The following EXOC2 variants were observed in gnomAD, a reference collection of about 807,000 sequenced individuals.
EXOC2 encodes the protein SEC5-like 1.
Under a neutral mutation model 131.8 loss-of-function variants are expected in EXOC2, and 70 were observed. The observed-to-expected ratio is 0.53, with a 90% confidence interval of 0.44 to 0.65. The LOEUF (loss-of-function observed/expected upper bound fraction) is 0.65. Among genes scored for constraint, EXOC2 ranks in the 30% least tolerant of loss-of-function variants. The pLI is 0.00. For synonymous variants in EXOC2, 411 were observed against 398.4 expected (o/e 1.03, Z -0.38); for missense variants, 923 against 1,108.6 (o/e 0.83, Z 2.38).
intron 7 of EXOC2, among the ~76,000 whole-genome samples, chr6:599,994 A>G (rs1160473197): frequency 6.6e-6 from 1 of 152,222 alleles, no homozygotes; most frequent in Non-Finnish European, 1.5e-5. Flanking sequence ...TTCCACAACG[A>G]AAGGAGAGAA....
chr6:692,821 G>A (rs1765004460), intron 1 of EXOC2, among the ~76,000 whole-genome samples, 198 bp downstream of exon 1: 1 of 152,098 alleles, frequency 6.6e-6, no homozygotes, highest in Admixed American at 6.5e-5. Flanking sequence ...CCAGCAGGCG[G>A]CTGACGGCGG....
Position 670,856 on chromosome 6 carries a change from C to A in EXOC2, c.-44+22163G>T, listed in dbSNP as rs988292991. 2.6e-5 allele frequency among the ~76,000 whole-genome samples: 4 copies of A among 151,982 alleles called. No homozygotes were observed. The South Asian group carries it at 8.3e-4, about 32-fold the overall frequency. The stretch of plus-strand genomic sequence containing the variant: ...TTTTGCCAAGTCTCTGGAATAAATT[C>A]CTCTCTTCCATGAGCCCATTGGGGT... On this transcript the variant is annotated intron_variant, in intron 1 of 27. Transcript: ENST00000230449.
rs919348116 is a variant in EXOC2, at chr6:572,173, C to T, written c.1443+347G>A. ...GTTTCCTCATTTGTTCACAGTCTACCGCACATCACCCAGAATTTGGCCTGA... is the reference window on the plus strand; with the variant it reads ...GTTTCCTCATTTGTTCACAGTCTACTGCACATCACCCAGAATTTGGCCTGA... On this transcript the variant is annotated intron_variant, in intron 13 of 27. Coordinates refer to ENST00000230449, the MANE Select transcript of EXOC2 (RefSeq NM_018303.6). 5.9e-5 allele frequency among the ~76,000 whole-genome samples: 9 copies of T among 152,276 alleles called. 1 individual carries two copies. In the South Asian group the frequency reaches 1.5e-3, roughly 25 times the overall value.
rs1255231203 is a variant in EXOC2 at position 666,623 on chromosome 6, G to A, written c.-44+26396C>T. ...TACCCCTTCACTACCACTCCCTCCTGTTTCCTCTGTTATTAACATCTTGCA... is the reference window on the plus strand; with the variant it reads ...TACCCCTTCACTACCACTCCCTCCTATTTCCTCTGTTATTAACATCTTGCA... On this transcript the variant is annotated intron_variant, in intron 1 of 27. Transcript: ENST00000230449. Among the ~76,000 whole-genome samples the A allele has an allele frequency of 2.1e-5, 2 of 96,320 alleles. 1 individual carries two copies. The highest frequency in any genetic ancestry group is 4.9e-5 in the Non-Finnish European group (2 of 40,816). 63.2% of individuals were successfully genotyped at this position (96,320 alleles called of 152,430 possible). A position where few individuals can be genotyped will look rare whatever the true frequency, so the allele number is the denominator to read the frequency against.
intron 1 of EXOC2, among the ~76,000 whole-genome samples, chr6:659,623 G>A (rs1763320430): frequency 6.6e-6 from 1 of 152,214 alleles, no homozygotes; most frequent in Non-Finnish European, 1.5e-5. Flanking sequence ...CTGTTTGCGG[G>A]AGAAGTTTCC....
chr6:577,441 C>T (rs1264316144), intron 11 of EXOC2, among the ~76,000 whole-genome samples: 1 of 152,140 alleles, frequency 6.6e-6, no homozygotes, highest in Non-Finnish European at 1.5e-5. Context: ...TCAAATACTG[C>T]TTTTTTGATT....
At chr6:499,531 A>C in intron 24 of EXOC2, 114 bp downstream of exon 24, 1 of 842,394 alleles carries the variant, frequency 1.2e-6, no homozygotes, top group Non-Finnish European at 1.9e-6. Context: ...ATTTATACCC[A>C]AGACACATTC....
chr6:575,780 C>A lies in EXOC2; in HGVS notation c.1318+977G>T, dbSNP rs79142947. On this transcript the variant is annotated intron_variant, in intron 12 of 27. Coordinates refer to ENST00000230449, the MANE Select transcript of EXOC2 (RefSeq NM_018303.6). ...GGTATCTTTCCCAAGAATAATGTTT[C>A]AAAAGATCTCAGCTCCTCTGTGCAA... Among the ~76,000 whole-genome samples, 467 of 152,276 alleles carry A rather than the reference C, an allele frequency of 3.1e-3. 1 individual carries two copies. The highest frequency in any genetic ancestry group is 0.011 in the African/African-American group (443 of 41,558).
chr6:505,977 G>A (rs1460424706), intron 23 of EXOC2, among the ~76,000 whole-genome samples: 3 of 152,198 alleles, frequency 2.0e-5, no homozygotes, highest in East Asian at 1.9e-4. Flanking sequence ...ATTCTATAAT[G>A]CTCAAGTCAG....
chr6:514,174 C>T (rs1383481025), intron 23 of EXOC2, among the ~76,000 whole-genome samples: 1 of 152,152 alleles, frequency 6.6e-6, no homozygotes, highest in Non-Finnish European at 1.5e-5. Context: ...CGACAAGTAA[C>T]CCTTTTACTG....
At position 486,666 on chromosome 6, in the gene EXOC2, G is replaced by A. The variant is rs750672473; in HGVS notation, c.*5C>T. ...TTTCCTGGACTTCTTTTATGTGGCAGATATTTATGTTTTCATCATGGTTGA... is the reference window on the plus strand; with the variant it reads ...TTTCCTGGACTTCTTTTATGTGGCAAATATTTATGTTTTCATCATGGTTGA... On this transcript the variant is annotated 3_prime_UTR_variant, in exon 28 of 28. Coordinates refer to ENST00000230449, the MANE Select transcript of EXOC2 (RefSeq NM_018303.6). 2 of 1,612,960 alleles carry A rather than the reference G, an allele frequency of 1.2e-6. No homozygotes were observed. Among genetic ancestry groups the A allele is most frequent in the South Asian group, 1.1e-5 (1 of 91,050 alleles).
chr6:489,005 G>C lies in EXOC2; in HGVS notation c.2655C>G (p.Pro885=), dbSNP rs1314678065. Residue 885 remains proline (P), a synonymous_variant, in exon 27 of 28, where the codon CCC becomes CCG. Transcript: ENST00000230449. Reference sequence around the variant, plus strand: ...TTTTATCTGCTCCACTGGAAAGCTGGGGCAGGGCTTCCAAAGCCTGCTTAA... The same window carrying C: ...TTTTATCTGCTCCACTGGAAAGCTGCGGCAGGGCTTCCAAAGCCTGCTTAA... ...SSFKQALEAL[P]QLSSGADKKL... is the part of the protein sequence containing the mutation. 2.5e-6 allele frequency: 4 copies of C among 1,613,764 alleles called. No homozygotes were observed. The highest frequency in any genetic ancestry group is 1.1e-5 in the South Asian group (1 of 91,000).
chr6:596,786 T>C (rs1173384512), intron 10 of EXOC2, among the ~76,000 whole-genome samples: 2 of 152,168 alleles, frequency 1.3e-5, no homozygotes, highest in African/African-American at 4.8e-5. Flanking sequence ...GAAAAACCAT[T>C]AAATTTGGAA....
chr6:637,985 T>C (rs1762179192), intron 1 of EXOC2, 124 bp from the exon 2 acceptor site: 2 of 629,462 alleles, frequency 3.2e-6, no homozygotes, highest in Non-Finnish European at 5.3e-6. Flanking sequence ...GTTTTGAATT[T>C]TTTAGGGGTC....
intron 1 of EXOC2, chr6:657,123 G>A (rs1021481598): frequency 6.8e-5 from 31 of 457,598 alleles, no homozygotes; most frequent in African/African-American, 5.5e-4. Flanking sequence ...GCAGCCCTAG[G>A]CCTGGAGCCA....
chr6:560,702 TTTTC>T (rs756145081), intron 17 of EXOC2, among the ~76,000 whole-genome samples: 21 of 151,944 alleles, frequency 1.4e-4, no homozygotes, highest in East Asian at 3.9e-4. Context: ...TCGATTAAAA[TTTTC>T]TTTCTTTTTT....
At chr6:534,743 G>A (rs572203373) in intron 22 of EXOC2, among the ~76,000 whole-genome samples, 52 of 152,322 alleles carry the variant, frequency 3.4e-4, no homozygotes, top group African/African-American at 1.1e-3. Context: ...ACATCAGAAC[G>A]AAGAAGATGA....
intron 23 of EXOC2, among the ~76,000 whole-genome samples, chr6:523,096 G>C (rs6927334): frequency 0.036 from 5,498 of 152,306 alleles, 322 homozygotes; most frequent in African/African-American, 0.13. Flanking sequence ...TGTTCTGACA[G>C]GTAACATCTG....
chr6:505,715 TCTC>T (rs1764512055), intron 23 of EXOC2, among the ~76,000 whole-genome samples: 1 of 152,126 alleles, frequency 6.6e-6, no homozygotes, highest in Non-Finnish European at 1.5e-5. Flanking sequence ...AACAACTGTC[TCTC>T]CTATTGGACC....
Sources: gnomAD v4.1 joint callset for allele counts (sites outside exome capture counted in the v4.1 genomes callset) on GRCh38, gnomAD v4.1.1 for gene constraint, MANE v1.5 for transcripts, NCBI Gene and HGNC (gene_info 2026-07-23, HGNC 2026-07-21) for gene names.